Variants in TNRC6B observed in about 807,000 individuals in gnomAD.
The protein encoded by TNRC6B is trinucleotide repeat-containing gene 6B protein.
TNRC6B carries 52 observed loss-of-function variants against 203.6 expected under a neutral mutation model. The ratio of observed to expected loss-of-function variants is 0.26; its 90% CI spans 0.20 to 0.32. The LOEUF is 0.32. TNRC6B is among the 10% of genes least tolerant of loss of function. The pLI is 1.00. For missense variants in TNRC6B, 1,923 were observed against 2,286.2 expected, an observed-to-expected ratio of 0.84 and a Z score of 3.24; for synonymous variants, 838 against 845.7, an observed-to-expected ratio of 0.99 and a Z score of 0.16.
At chr22:40,130,305 T>C (rs1188581054) in intron 3 of TNRC6B, among the ~76,000 whole-genome samples, 1 of 152,058 alleles carries the variant, frequency 6.6e-6, no homozygotes, top group African/African-American at 2.4e-5. Context: ...GGAGGGAGTT[T>C]TGGAGGAGGA....
intron 3 of TNRC6B, among the ~76,000 whole-genome samples, chr22:40,153,197 CCTT>C (rs1332494420): frequency 6.6e-6 from 1 of 152,124 alleles, no homozygotes; most frequent in Non-Finnish European, 1.5e-5. Context: ...AAAAAATTCA[CCTT>C]CTATATACCT....
chr22:40,107,792 C>T (rs1300743647), intron 1 of TNRC6B, among the ~76,000 whole-genome samples: 1 of 151,822 alleles, frequency 6.6e-6, no homozygotes, highest in Non-Finnish European at 1.5e-5. Flanking sequence ...GTGGCTACCC[C>T]CCTTTCTCTG....
intron 4 of TNRC6B, among the ~76,000 whole-genome samples, chr22:40,168,891 T>TA (rs1359669280): frequency 6.6e-6 from 1 of 152,212 alleles, no homozygotes. Flanking sequence ...TCCCAGCAGT[T>TA]ACCCTTTTTA....
At chr22:40,248,666 A>G (rs1021688931) in intron 2 of TNRC6B, among the ~76,000 whole-genome samples, 2 of 152,356 alleles carry the variant, frequency 1.3e-5, no homozygotes, top group South Asian at 4.1e-4. Flanking sequence ...ATGTAGCTGG[A>G]CAGTCTCTCC....
intron 1 of TNRC6B, among the ~76,000 whole-genome samples, chr22:40,217,294 A>T (rs2069648113): frequency 6.6e-6 from 1 of 152,162 alleles, no homozygotes; most frequent in South Asian, 2.1e-4. Context: ...GATTTTTACT[A>T]ATTCTCTAAA....
At chr22:40,142,557 AT>A (rs1316077224) in intron 3 of TNRC6B, among the ~76,000 whole-genome samples, 1 of 152,240 alleles carries the variant, frequency 6.6e-6, no homozygotes, top group Non-Finnish European at 1.5e-5. Flanking sequence ...AGAACTTGCC[AT>A]TTCCTTAGGA....
chr22:40,056,479 G>A (rs749417499), intron 1 of TNRC6B, among the ~76,000 whole-genome samples: 1 of 152,178 alleles, frequency 6.6e-6, no homozygotes, highest in Non-Finnish European at 1.5e-5. Context: ...ACGAGGTTGA[G>A]AAGGCAACAC....
intron 1 of TNRC6B, among the ~76,000 whole-genome samples, chr22:40,099,254 GAAA>G (rs60507984): frequency 8.2e-6 from 1 of 121,572 alleles, no homozygotes; most frequent in Non-Finnish European, 1.8e-5. Flanking sequence ...ACTCTGTCTC[GAAA>G]AAAAAAAAAA....
intron 1 of TNRC6B, among the ~76,000 whole-genome samples, chr22:40,178,356 A>C (rs1370890864): frequency 6.6e-6 from 1 of 152,204 alleles, no homozygotes; most frequent in East Asian, 1.9e-4. Flanking sequence ...GAAGTGATTT[A>C]ATTGCACTTT....
intron 2 of TNRC6B, chr22:40,125,712 G>GA (rs1372786360): frequency 2.6e-4 from 346 of 1,322,280 alleles, no homozygotes; most frequent in South Asian, 4.2e-4. Context: ...CTAAACCTTT[G>GA]AAAAAAAAAT....
At chr22:40,179,958 TTAGTAA>T (rs1181172665) in intron 1 of TNRC6B, among the ~76,000 whole-genome samples, 1 of 152,188 alleles carries the variant, frequency 6.6e-6, no homozygotes, top group African/African-American at 2.4e-5. Context: ...TGTTGTTATG[TTAGTAA>T]TGGTAATAAA....
intron 4 of TNRC6B, among the ~76,000 whole-genome samples, chr22:40,171,505 A>G (rs2068998484): frequency 6.6e-6 from 1 of 152,112 alleles, no homozygotes; most frequent in Non-Finnish European, 1.5e-5. Flanking sequence ...GAGTGGTTAT[A>G]AAGGACATTT....
rs144626857 is a variant in TNRC6B at position 40,204,763 on chromosome 22, A to G, written c.5+26623A>G. Among the ~76,000 whole-genome samples, 629 of 152,290 alleles carry G rather than the reference A, an allele frequency of 4.1e-3. 1 individual carries two copies. The highest frequency in any genetic ancestry group is 6.7e-3 in the Non-Finnish European group (457 of 68,028). On this transcript the variant is annotated intron_variant, in intron 1 of 22. Coordinates refer to ENST00000454349, the MANE Select transcript of TNRC6B (RefSeq NM_001162501.2). ...CTCTGCTGTACTTAGGCCACCTGCC[A>G]TTGTTCTGTCTCTGCTGCTGCTGCT...
At chr22:40,144,728 A>G (rs113933346) in intron 3 of TNRC6B, among the ~76,000 whole-genome samples, 2 of 152,158 alleles carry the variant, frequency 1.3e-5, no homozygotes, top group African/African-American at 4.8e-5. Context: ...ACATGGATAA[A>G]TCTCAGAAAC....
chr22:40,259,591 C>T (rs1158198913), intron 3 of TNRC6B, among the ~76,000 whole-genome samples: 1 of 152,180 alleles, frequency 6.6e-6, no homozygotes. Flanking sequence ...GACCTCCACT[C>T]CCCCTCCCCT....
rs373551982 is a variant in TNRC6B, at chr22:40,245,923, G to A, written c.6-92G>A. On this transcript the variant is annotated intron_variant, in intron 1 of 22. Transcript: ENST00000454349. ...TATTCAGTCACAGAGATGAAATGTC[G>A]TCTTGCCCACCACTTACAAGCATTC... The A allele has an allele frequency of 5.3e-5, 47 of 884,060 alleles. 1 individual carries two copies. Among genetic ancestry groups the A allele is most frequent in the South Asian group, 3.5e-4 (18 of 52,090 alleles). 54.8% of individuals were successfully genotyped at this position (884,060 alleles called of 1,614,324 possible).
At chr22:40,088,628 G>GTGTT (rs2068122045) in intron 1 of TNRC6B, among the ~76,000 whole-genome samples, 10 of 149,038 alleles carry the variant, frequency 6.7e-5, no homozygotes, top group Admixed American at 6.6e-4. Context: ...GTGTGTGTGT[G>GTGTT]TGTTTTAGTA....
chr22:40,124,794 C>T (rs1185698999), intron 2 of TNRC6B, among the ~76,000 whole-genome samples: 2 of 152,058 alleles, frequency 1.3e-5, no homozygotes, highest in Non-Finnish European at 2.9e-5. Context: ...GCGGTCGGAT[C>T]ACGAGGTCAG....
chr22:40,119,426 A>G (rs1290895010), intron 2 of TNRC6B, among the ~76,000 whole-genome samples: 1 of 152,220 alleles, frequency 6.6e-6, no homozygotes, highest in East Asian at 1.9e-4. Context: ...TCTACTAAAA[A>G]TACAAAAATT....
Sources: allele counts gnomAD v4.1 joint callset (sites outside exome capture counted in the v4.1 genomes callset), GRCh38; gene constraint gnomAD v4.1.1; transcripts MANE v1.5; gene names NCBI Gene and HGNC (gene_info 2026-07-23, HGNC 2026-07-21).